The following ADGRV1 variants were observed in gnomAD, a reference collection of about 807,000 sequenced individuals.
ADGRV1 encodes G-protein coupled receptor 98.
A neutral mutation model predicts 596.2 loss-of-function variants in ADGRV1; 359 were observed. That is an observed-to-expected ratio of 0.60 (90% CI 0.55 to 0.66). ADGRV1 has a LOEUF of 0.66. Ranked by LOEUF, ADGRV1 falls within the 30% of genes least tolerant of loss-of-function variation. ADGRV1 has a pLI of 0.00. For synonymous variants in ADGRV1, 2,681 were observed against 2,679.2 expected, an observed-to-expected ratio of 1.00 and a Z score of -0.02; for missense variants, 7,274 against 7,575.6, an observed-to-expected ratio of 0.96 and a Z score of 1.48.
At chr5:90,635,521 C>G (rs543248863) in intron 10 of ADGRV1, among the ~76,000 whole-genome samples, 1 of 151,866 alleles carries the variant, frequency 6.6e-6, no homozygotes, top group Non-Finnish European at 1.5e-5. Context: ...CAGTGAGTGT[C>G]GGATATTTTG....
intron 89 of ADGRV1, among the ~76,000 whole-genome samples, chr5:91,156,794 C>T (rs953032222): frequency 6.6e-6 from 1 of 152,240 alleles, no homozygotes; most frequent in Non-Finnish European, 1.5e-5. Context: ...CACTTTCCCT[C>T]CTAGAATATG....
intron 27 of ADGRV1, 52 bp downstream of exon 27, chr5:90,681,506 CT>C: frequency 6.5e-7 from 1 of 1,538,414 alleles, no homozygotes; most frequent in Non-Finnish European, 8.8e-7. Context: ...GTTTTAAAAA[CT>C]GTACTGTGCT....
At chr5:91,122,326 G>A (rs538997636) in intron 87 of ADGRV1, among the ~76,000 whole-genome samples, 3 of 152,178 alleles carry the variant, frequency 2.0e-5, no homozygotes, top group East Asian at 1.9e-4. Flanking sequence ...TTCTTTTAAC[G>A]AATACATTTC....
intron 9 of ADGRV1, among the ~76,000 whole-genome samples, 179 bp from the exon 10 acceptor site, chr5:90,634,935 T>G (rs1313219402): frequency 1.3e-5 from 2 of 151,876 alleles, no homozygotes; most frequent in Non-Finnish European, 2.9e-5. Flanking sequence ...CAGAAAGAGC[T>G]CCAGAGGCCA....
At position 90,614,822 on chromosome 5, in the gene ADGRV1, C is replaced by G. The variant is rs567154907; in HGVS notation, c.23-13C>G. 20 of 1,575,480 alleles carry G rather than the reference C, an allele frequency of 1.3e-5. No homozygotes were observed. The African/African-American group carries it at 2.7e-4, about 21-fold the overall frequency. ...TATATTTTGTGAATAATATTTTTTT[C>G]TTTTTGTTTTAGGGATGCCCTCTGC... is the stretch of plus-strand genomic sequence containing the variant. On this transcript the variant is annotated splice_polypyrimidine_tract_variant and intron_variant, in intron 1 of 89. Transcript: ENST00000405460.
chr5:90,830,113 G>A (rs1389448336), intron 77 of ADGRV1, among the ~76,000 whole-genome samples: 1 of 152,100 alleles, frequency 6.6e-6, no homozygotes, highest in Non-Finnish European at 1.5e-5. Flanking sequence ...CATATGTGTG[G>A]CCAGTATGTT....
chr5:90,660,681 G>A (rs1483101881), intron 21 of ADGRV1, among the ~76,000 whole-genome samples: 1 of 152,080 alleles, frequency 6.6e-6, no homozygotes, highest in Non-Finnish European at 1.5e-5. Context: ...AACAGCCTAG[G>A]CAACATAGTG....
intron 87 of ADGRV1, among the ~76,000 whole-genome samples, chr5:91,136,881 AT>A (rs11330126): frequency 0.99 from 151,320 of 152,106 alleles, 75,313 homozygotes; most frequent in Middle Eastern, 1. Context: ...CTTTATTTGG[AT>A]TTTTTTTTGT....
chr5:90,859,766 T>A (rs1767367200), intron 82 of ADGRV1, among the ~76,000 whole-genome samples: 1 of 152,006 alleles, frequency 6.6e-6, no homozygotes, highest in South Asian at 2.1e-4. Context: ...CTTATACAAG[T>A]GCAAAGATGA....
chr5:90,608,096 T>C (rs957947661), intron 1 of ADGRV1, among the ~76,000 whole-genome samples: 15 of 152,126 alleles, frequency 9.9e-5, no homozygotes, highest in South Asian at 2.1e-4. Context: ...AATTTGATGA[T>C]GAATTAAATT....
At chr5:91,081,464 A>G (rs1320805936) in intron 86 of ADGRV1, among the ~76,000 whole-genome samples, 2 of 152,094 alleles carry the variant, frequency 1.3e-5, no homozygotes, top group African/African-American at 4.8e-5. Flanking sequence ...TCATCTAATG[A>G]CAATCATTAG....
intron 1 of ADGRV1, among the ~76,000 whole-genome samples, chr5:90,583,691 T>A (rs529263217): frequency 6.6e-6 from 1 of 152,298 alleles, no homozygotes; most frequent in African/African-American, 2.4e-5. Flanking sequence ...TTGCAAATGG[T>A]AAATCACTGT....
chr5:91,018,305 T>C (rs1244666986), intron 85 of ADGRV1, among the ~76,000 whole-genome samples: 1 of 151,964 alleles, frequency 6.6e-6, no homozygotes, highest in East Asian at 1.9e-4. Context: ...CAGCTCCAGA[T>C]GAATTTCTCA....
chr5:90,587,549 C>T (rs1758917617), intron 1 of ADGRV1, among the ~76,000 whole-genome samples: 2 of 135,752 alleles, frequency 1.5e-5, no homozygotes, highest in Admixed American at 7.3e-5. Context: ...TTTCTCTTTT[C>T]TGTGTCTTTT....
intron 57 of ADGRV1, 113 bp from the exon 58 acceptor site, chr5:90,759,293 TAAA>T: frequency 1.3e-6 from 1 of 779,122 alleles, no homozygotes; most frequent in Non-Finnish European, 2.0e-6. Flanking sequence ...TGGTTTCAAC[TAAA>T]AAATTAAAAT....
At chr5:90,783,566 T>G (rs559852813) in intron 66 of ADGRV1, among the ~76,000 whole-genome samples, 1 of 152,286 alleles carries the variant, frequency 6.6e-6, no homozygotes, top group East Asian at 1.9e-4. Flanking sequence ...ACTTAAATAA[T>G]CTAATCAGAA....
chr5:90,748,274 TC>T (rs1330885215), intron 52 of ADGRV1, among the ~76,000 whole-genome samples: 1 of 152,178 alleles, frequency 6.6e-6, no homozygotes, highest in Non-Finnish European at 1.5e-5. Context: ...CTCTGAGGCA[TC>T]TCTGCCCAAT....
intron 50 of ADGRV1, among the ~76,000 whole-genome samples, chr5:90,731,268 G>C (rs1752503862): frequency 6.6e-6 from 1 of 152,060 alleles, no homozygotes; most frequent in African/African-American, 2.4e-5. Flanking sequence ...GAGCGCGAAG[G>C]GGGAAGTGCT....
chr5:90,666,185 C>T (rs1347438417), intron 21 of ADGRV1, among the ~76,000 whole-genome samples: 13 of 149,904 alleles, frequency 8.7e-5, no homozygotes, highest in African/African-American at 2.7e-4. Flanking sequence ...CTTTCTGTCT[C>T]GTTGATCTGT....
Sources: gnomAD v4.1 joint callset for allele counts (sites outside exome capture counted in the v4.1 genomes callset) on GRCh38, gnomAD v4.1.1 for gene constraint, MANE v1.5 for transcripts, NCBI Gene and HGNC (gene_info 2026-07-23, HGNC 2026-07-21) for gene names.